Variants in PTPN2 observed in about 807,000 individuals in gnomAD.
PTPN2 encodes protein tyrosine phosphatase non-receptor type 2.
PTPN2 carries 19 observed loss-of-function variants against 57.3 expected under a neutral mutation model. The ratio of observed to expected loss-of-function variants is 0.33; its 90% CI spans 0.23 to 0.49. PTPN2 has a LOEUF of 0.49. Among genes scored for constraint, PTPN2 ranks in the 20% least tolerant of loss-of-function variants. PTPN2 has a pLI of 0.99. For missense variants in PTPN2, 358 were observed against 501.1 expected, an observed-to-expected ratio of 0.71 and a Z score of 2.73; for synonymous variants, 153 against 164.9, an observed-to-expected ratio of 0.93 and a Z score of 0.55.
At chr18:12,788,566 C>T (rs996561264), downstream of PTPN2, among the ~76,000 whole-genome samples, 34 of 151,638 alleles carry the variant, frequency 2.2e-4, no homozygotes, top group African/African-American at 8.0e-4. Flanking sequence ...AGTTACCAAG[C>T]CAGGCCTGGT....
At chr18:12,865,784 G>A (rs145684333) in intron 1 of PTPN2, among the ~76,000 whole-genome samples, 24 of 151,074 alleles carry the variant, frequency 1.6e-4, no homozygotes, top group East Asian at 3.9e-4. Context: ...CCGAGATAAC[G>A]CCACTGCACT....
At chr18:12,841,032 ATTAT>A in intron 2 of PTPN2, 2 of 1,347,614 alleles carry the variant, frequency 1.5e-6, no homozygotes, top group Non-Finnish European at 1.9e-6. Flanking sequence ...AAGGTAAGAC[ATTAT>A]TTGTTTGAAG....
At chr18:12,877,606 C>T (rs1019775786) in intron 1 of PTPN2, among the ~76,000 whole-genome samples, 5 of 152,204 alleles carry the variant, frequency 3.3e-5, no homozygotes, top group Non-Finnish European at 5.9e-5. Context: ...GGCTGCCCCG[C>T]TGTAAGTATG....
intron 8 of PTPN2, among the ~76,000 whole-genome samples, chr18:12,797,794 G>A (rs987909804): frequency 7.2e-5 from 11 of 152,182 alleles, no homozygotes; most frequent in Admixed American, 6.5e-4. Flanking sequence ...ATCATGTGGC[G>A]TGATCATAGC....
At chr18:12,825,434 A>G (rs1276733649) in intron 5 of PTPN2, among the ~76,000 whole-genome samples, 1 of 152,116 alleles carries the variant, frequency 6.6e-6, no homozygotes, top group Non-Finnish European at 1.5e-5. Context: ...GGTAACCTCC[A>G]TTTTACAGAT....
downstream of PTPN2, chr18:12,788,197 C>T (rs1007891877): frequency 4.5e-5 from 7 of 154,718 alleles, no homozygotes; most frequent in Non-Finnish European, 8.8e-5. Flanking sequence ...TAACTTGATG[C>T]GTCTTTAAAA....
At chr18:12,844,311 G>A (rs1007828637) in intron 2 of PTPN2, among the ~76,000 whole-genome samples, 1 of 152,216 alleles carries the variant, frequency 6.6e-6, no homozygotes, top group Non-Finnish European at 1.5e-5. Context: ...GAGTGCAAGT[G>A]CTGGGTCATA....
chr18:12,811,880 T>C (rs1456877193), intron 7 of PTPN2, among the ~76,000 whole-genome samples: 1 of 109,004 alleles, frequency 9.2e-6, no homozygotes, highest in Non-Finnish European at 2.1e-5. Flanking sequence ...CATGAGTCAC[T>C]GCCACTAGGA....
chr18:12,859,366 T>C, intron 1 of PTPN2, 112 bp from the exon 2 acceptor site: 2 of 650,322 alleles, frequency 3.1e-6, no homozygotes, highest in Non-Finnish European at 2.6e-6. Context: ...CCAAGTACTA[T>C]GGAAAGCACA....
chr18:12,835,219 A>G (rs1445840166), intron 3 of PTPN2, among the ~76,000 whole-genome samples: 1 of 152,162 alleles, frequency 6.6e-6, no homozygotes, highest in African/African-American at 2.4e-5. Context: ...AAAACTTCCA[A>G]TATTACAGAA....
intron 2 of PTPN2, among the ~76,000 whole-genome samples, chr18:12,851,630 G>A (rs993487479): frequency 3.3e-5 from 5 of 151,932 alleles, no homozygotes; most frequent in Non-Finnish European, 7.4e-5. Flanking sequence ...TACATCTTGG[G>A]GCTACTTTAT....
At chr18:12,868,716 G>C (rs373115322) in intron 1 of PTPN2, among the ~76,000 whole-genome samples, 2 of 144,750 alleles carry the variant, frequency 1.4e-5, no homozygotes, top group Non-Finnish European at 3.1e-5. Flanking sequence ...GGCGGATCAC[G>C]AGTTCAGGGA....
At chr18:12,842,450 G>A (rs1485849868) in intron 2 of PTPN2, among the ~76,000 whole-genome samples, 1 of 152,168 alleles carries the variant, frequency 6.6e-6, no homozygotes, top group African/African-American at 2.4e-5. Context: ...CACAGCGCTG[G>A]GGAGAGGGGC....
chr18:12,797,994 G>A (rs3786155), intron 8 of PTPN2, among the ~76,000 whole-genome samples: 38,713 of 152,008 alleles, frequency 0.25, 5,331 homozygotes, highest in South Asian at 0.46. Context: ...CCCGAGTGTT[G>A]GGATTACAGG....
At chr18:12,873,983 T>C (rs1179122811) in intron 1 of PTPN2, among the ~76,000 whole-genome samples, 1 of 147,198 alleles carries the variant, frequency 6.8e-6, no homozygotes, top group Non-Finnish European at 1.5e-5. Context: ...AGCCGCCCCA[T>C]CTGAGAAGGG....
At chr18:12,871,233 A>G (rs1055627876) in intron 1 of PTPN2, among the ~76,000 whole-genome samples, 1 of 152,334 alleles carries the variant, frequency 6.6e-6, no homozygotes, top group Non-Finnish European at 1.5e-5. Context: ...TCTAGGTTTT[A>G]GCTGTTATAA....
At chr18:12,827,072 G>A (rs1264726433) in intron 4 of PTPN2, among the ~76,000 whole-genome samples, 4 of 151,986 alleles carry the variant, frequency 2.6e-5, no homozygotes, top group Admixed American at 6.6e-5. Flanking sequence ...GGCCAAGCGC[G>A]GTGGCTCACG....
At chr18:12,857,417 TGTA>T (rs1208626163) in intron 2 of PTPN2, among the ~76,000 whole-genome samples, 1 of 152,188 alleles carries the variant, frequency 6.6e-6, no homozygotes, top group Non-Finnish European at 1.5e-5. Flanking sequence ...GATATTGGAC[TGTA>T]GTTATGCAAG....
intron 1 of PTPN2, among the ~76,000 whole-genome samples, chr18:12,860,459 C>T (rs1162601587): frequency 7.1e-6 from 1 of 140,600 alleles, no homozygotes; most frequent in African/African-American, 2.7e-5. Context: ...TAGCCAGGCG[C>T]GATGGCAGGC....
Sources: gnomAD v4.1 joint callset for allele counts (sites outside exome capture counted in the v4.1 genomes callset) on GRCh38, gnomAD v4.1.1 for gene constraint, MANE v1.5 for transcripts, NCBI Gene and HGNC (gene_info 2026-07-23, HGNC 2026-07-21) for gene names.